The following DIAPH3 variants were observed in gnomAD, a reference collection of about 807,000 sequenced individuals.
DIAPH3 encodes protein diaphanous homolog 3.
DIAPH3 carries 117 observed loss-of-function variants against 144.3 expected under a neutral mutation model. The ratio of observed to expected loss-of-function variants is 0.81; its 90% CI spans 0.70 to 0.95. DIAPH3 has a LOEUF of 0.95. DIAPH3 is among the 40% of genes least tolerant of loss of function. The pLI, the probability that DIAPH3 is intolerant of heterozygous loss-of-function variation, is 0.00. For missense variants in DIAPH3, 1,421 were observed against 1,412.7 expected, an observed-to-expected ratio of 1.01 and a Z score of -0.09; for synonymous variants, 519 against 488.9, an observed-to-expected ratio of 1.06 and a Z score of -0.81.
intron 27 of DIAPH3, among the ~76,000 whole-genome samples, chr13:59,686,156 G>A (rs561726185): frequency 1.5e-3 from 231 of 152,144 alleles, no homozygotes; most frequent in Non-Finnish European, 2.1e-3. Flanking sequence ...ATAAATATTT[G>A]TTAGTGGAAT....
In DIAPH3 at chr13:59,908,954, T is replaced by C. The variant is rs1290091868; in HGVS notation, c.2367+2781A>G. On this transcript the variant is annotated intron_variant, in intron 20 of 27. Coordinates refer to ENST00000400324, the MANE Select transcript of DIAPH3 (RefSeq NM_001042517.2). ...CTTGACTTTTTCTTATATCTAACTG[T>C]GTGATGATTTTTCAGGTAAAGATGA... Among the ~76,000 whole-genome samples, 5 of 152,160 alleles carry C rather than the reference T, an allele frequency of 3.3e-5. No homozygotes were observed. The East Asian group carries it at 7.7e-4, about 23-fold the overall frequency.
At chr13:59,911,532 G>A (rs542264016) in intron 20 of DIAPH3, among the ~76,000 whole-genome samples, 5 of 152,038 alleles carry the variant, frequency 3.3e-5, no homozygotes. Flanking sequence ...AAGCCCCTTG[G>A]ACTTCACTTA....
intron 2 of DIAPH3, among the ~76,000 whole-genome samples, chr13:60,114,916 A>G (rs964145253): frequency 2.0e-5 from 3 of 152,190 alleles, no homozygotes; most frequent in African/African-American, 7.2e-5. Flanking sequence ...GGATTAGGGC[A>G]GTCAAAGTCC....
In DIAPH3 at chr13:59,830,752, A is replaced by G. The variant is rs553953575; in HGVS notation, c.3027+2355T>C. Among the ~76,000 whole-genome samples, 4 of 152,016 alleles carry G rather than the reference A, an allele frequency of 2.6e-5. No individual in the cohort carries two copies. In the South Asian group the frequency reaches 6.2e-4, roughly 24 times the overall value. On this transcript the variant is annotated intron_variant, in intron 24 of 27. Coordinates refer to ENST00000400324, the MANE Select transcript of DIAPH3 (RefSeq NM_001042517.2). ...AGCTTGAAACCTAACCCCTCTCCCA[A>G]TAGAAAAAAAGAAAAAGTGGTCATT...
intron 27 of DIAPH3, among the ~76,000 whole-genome samples, chr13:59,676,188 A>G (rs1053322518): frequency 6.6e-6 from 1 of 152,224 alleles, no homozygotes; most frequent in South Asian, 2.1e-4. Context: ...CACCTAGCCA[A>G]TGCTCGAATT....
At chr13:59,917,889 C>CAAAAAAAAAAA (rs60792156) in intron 18 of DIAPH3, among the ~76,000 whole-genome samples, 6 of 18,644 alleles carry the variant, frequency 3.2e-4, no homozygotes, top group African/African-American at 9.4e-4. Context: ...GACTCTGTCT[C>CAAAAAAAAAAA]AAAAAAAAAA....
At chr13:60,081,239 T>C (rs2057549483) in intron 4 of DIAPH3, among the ~76,000 whole-genome samples, 1 of 151,908 alleles carries the variant, frequency 6.6e-6, no homozygotes, top group South Asian at 2.1e-4. Flanking sequence ...TGAAACTACA[T>C]AAGGAAATGA....
At chr13:60,042,986 C>T (rs979074925) in intron 4 of DIAPH3, among the ~76,000 whole-genome samples, 166 bp from the exon 5 acceptor site, 1 of 152,146 alleles carries the variant, frequency 6.6e-6, no homozygotes, top group Non-Finnish European at 1.5e-5. Context: ...TCTATGAATT[C>T]ATAATGTGTG....
At chr13:59,714,594 T>C (rs2034954382) in intron 27 of DIAPH3, among the ~76,000 whole-genome samples, 1 of 152,144 alleles carries the variant, frequency 6.6e-6, no homozygotes, top group Admixed American at 6.5e-5. Flanking sequence ...CCTCAGTTTA[T>C]AACTTTACCT....
At chr13:60,031,399 A>C (rs1266797685) in intron 5 of DIAPH3, among the ~76,000 whole-genome samples, 2 of 152,144 alleles carry the variant, frequency 1.3e-5, no homozygotes, top group African/African-American at 4.8e-5. Context: ...GTGGGGACAA[A>C]TATCCAATCT....
intron 2 of DIAPH3, among the ~76,000 whole-genome samples, chr13:60,114,235 T>A (rs1594702663): frequency 6.9e-6 from 1 of 145,350 alleles, no homozygotes. Flanking sequence ...ACATTACACA[T>A]GAGATGAATA....
intron 5 of DIAPH3, among the ~76,000 whole-genome samples, chr13:60,033,280 G>T (rs374903907): frequency 6.6e-6 from 1 of 152,056 alleles, no homozygotes; most frequent in African/African-American, 2.4e-5. Context: ...CCATCACCCA[G>T]TACCAAAGTT....
intron 18 of DIAPH3, among the ~76,000 whole-genome samples, chr13:59,921,450 C>A (rs1285781680): frequency 2.6e-5 from 4 of 151,430 alleles, no homozygotes; most frequent in African/African-American, 9.7e-5. Flanking sequence ...TGAATAATTT[C>A]TTATACATCA....
At chr13:59,733,723 C>T (rs2036000300) in intron 27 of DIAPH3, among the ~76,000 whole-genome samples, 1 of 152,206 alleles carries the variant, frequency 6.6e-6, no homozygotes, top group Admixed American at 6.5e-5. Flanking sequence ...ACAGTTCAAG[C>T]ACTGTTCAGT....
At chr13:59,919,938 A>T (rs2047428256) in intron 18 of DIAPH3, among the ~76,000 whole-genome samples, 1 of 152,042 alleles carries the variant, frequency 6.6e-6, no homozygotes, top group African/African-American at 2.4e-5. Flanking sequence ...ATTAATATGT[A>T]GTTTTATTTT....
At chr13:60,135,380 A>G (rs2059244115) in intron 1 of DIAPH3, among the ~76,000 whole-genome samples, 1 of 152,090 alleles carries the variant, frequency 6.6e-6, no homozygotes, top group Non-Finnish European at 1.5e-5. Context: ...CCCAGTTATA[A>G]CCTATGTTAT....
Position 59,983,624 on chromosome 13 carries a change from A to C in DIAPH3, c.1480+145T>G, listed in dbSNP as rs1228126616. ...AATACCAACCCAATAAAAAAGGCGA[A>C]TAATGTTTTTGTGCTATTATGAAAA... On this transcript the variant is annotated intron_variant, in intron 13 of 27. Transcript: ENST00000400324. 9.9e-6 allele frequency: 6 copies of C among 606,370 alleles called. No homozygotes were observed. In the African/African-American group the frequency reaches 1.1e-4, roughly 11 times the overall value. The allele number at this position is 606,370 out of a possible 1,614,324, so 37.6% of individuals were successfully genotyped here. A position where few individuals can be genotyped will look rare whatever the true frequency, so the allele number is the denominator to read the frequency against.
At chr13:59,991,088 A>G in intron 12 of DIAPH3, 70 bp downstream of exon 12, 4 of 974,438 alleles carry the variant, frequency 4.1e-6, no homozygotes, top group Non-Finnish European at 6.3e-6. Context: ...AAAGGCAAAT[A>G]TGATGTGAAT....
At chr13:60,128,094 T>C (rs1322519120) in intron 2 of DIAPH3, among the ~76,000 whole-genome samples, 1 of 152,086 alleles carries the variant, frequency 6.6e-6, no homozygotes, top group African/African-American at 2.4e-5. Flanking sequence ...CAGTGTCTGT[T>C]TTTCCCCTCT....
Sources: gnomAD v4.1 joint callset for allele counts (sites outside exome capture counted in the v4.1 genomes callset) on GRCh38, gnomAD v4.1.1 for gene constraint, MANE v1.5 for transcripts, NCBI Gene and HGNC (gene_info 2026-07-23, HGNC 2026-07-21) for gene names.